DAP: variants seen among roughly 807,000 people sequenced by gnomAD.
DAP encodes death associated protein, also known as death-associated protein 1.
Under a neutral mutation model 13.8 loss-of-function variants are expected in DAP, and 8 were observed. The ratio of observed to expected loss-of-function variants is 0.58; its 90% CI spans 0.34 to 1.05. DAP has a LOEUF of 1.05. DAP is among the 50% of genes least tolerant of loss of function. The pLI, the probability that DAP is intolerant of heterozygous loss-of-function variation, is 0.03. For missense variants in DAP, 106 were observed against 133.2 expected (o/e 0.80, Z 1.01); for synonymous variants, 47 against 47.5 (o/e 0.99, Z 0.04).
chr5:10,683,584 A>G lies in DAP; in HGVS notation c.153-13T>C, dbSNP rs754324620. On this transcript the variant is annotated splice_polypyrimidine_tract_variant and intron_variant, in intron 2 of 3. Coordinates refer to ENST00000230895, the MANE Select transcript of DAP (RefSeq NM_004394.3). ...GGGTTTAGGTGGACTGGAAAAAAAG[A>G]AGGGAAAAGGCAGATTTAACAAAAC... The G allele has an allele frequency of 1.2e-6, 2 of 1,613,650 alleles. No individual in the cohort carries two copies. The highest frequency in any genetic ancestry group is 2.2e-5 in the East Asian group (1 of 44,878).
intron 1 of DAP, among the ~76,000 whole-genome samples, chr5:10,759,106 G>C (rs1190353742): frequency 6.6e-6 from 1 of 150,474 alleles, no homozygotes; most frequent in Non-Finnish European, 1.5e-5. Context: ...AGAATCTCTT[G>C]AACCTAGAAG....
chr5:10,717,326 C>A (rs1380609438), intron 2 of DAP, among the ~76,000 whole-genome samples: 2 of 152,152 alleles, frequency 1.3e-5, no homozygotes, highest in African/African-American at 2.4e-5. Flanking sequence ...AGTGGCTGAC[C>A]TGAAACAAAA....
At chr5:10,708,398 G>A (rs1263834890) in intron 2 of DAP, among the ~76,000 whole-genome samples, 1 of 150,632 alleles carries the variant, frequency 6.6e-6, no homozygotes, top group Non-Finnish European at 1.5e-5. Flanking sequence ...ACACACACAT[G>A]CAGACACATA....
intron 2 of DAP, among the ~76,000 whole-genome samples, chr5:10,714,610 C>G (rs1158354211): frequency 6.6e-6 from 1 of 152,062 alleles, no homozygotes; most frequent in African/African-American, 2.4e-5. Context: ...CATAGATATG[C>G]AGATACATGG....
At chr5:10,730,841 G>A (rs756369218) in intron 2 of DAP, among the ~76,000 whole-genome samples, 146 of 132,312 alleles carry the variant, frequency 1.1e-3, no homozygotes, top group Non-Finnish European at 2.1e-3. Flanking sequence ...GCCCTGGTGG[G>A]GGGGAAATCT....
intron 1 of DAP, among the ~76,000 whole-genome samples, chr5:10,749,435 T>C (rs1185894283): frequency 6.6e-6 from 1 of 152,172 alleles, no homozygotes; most frequent in Admixed American, 6.5e-5. Flanking sequence ...AGTGTGTGGG[T>C]TCCAATTCTC....
chr5:10,742,126 A>C (rs1257266045), intron 2 of DAP, among the ~76,000 whole-genome samples: 1 of 147,356 alleles, frequency 6.8e-6, no homozygotes, highest in African/African-American at 2.6e-5. Context: ...TTTCTTATAC[A>C]TTAAGTAACT....
chr5:10,702,196 C>T (rs1178736586), intron 2 of DAP, among the ~76,000 whole-genome samples: 3 of 152,240 alleles, frequency 2.0e-5, no homozygotes, highest in Non-Finnish European at 4.4e-5. Context: ...GGTGCGCACA[C>T]ATACTCAACA....
chr5:10,750,043 G>A (rs928138859), intron 1 of DAP, among the ~76,000 whole-genome samples: 2 of 152,148 alleles, frequency 1.3e-5, no homozygotes, highest in African/African-American at 4.8e-5. Flanking sequence ...CTAGAAAGCA[G>A]GGTCATTTTC....
At chr5:10,712,616 G>A (rs1463322981) in intron 2 of DAP, among the ~76,000 whole-genome samples, 1 of 152,144 alleles carries the variant, frequency 6.6e-6, no homozygotes, top group African/African-American at 2.4e-5. Context: ...GGCTGGATGG[G>A]GTGGGGGAGA....
At chr5:10,685,559 C>T (rs939954111) in intron 2 of DAP, among the ~76,000 whole-genome samples, 3 of 152,180 alleles carry the variant, frequency 2.0e-5, no homozygotes, top group African/African-American at 4.8e-5. Flanking sequence ...AGTTTCTTAA[C>T]GTCGTTTGGA....
At chr5:10,753,539 G>T (rs1561036578) in intron 1 of DAP, among the ~76,000 whole-genome samples, 1 of 152,244 alleles carries the variant, frequency 6.6e-6, no homozygotes, top group Non-Finnish European at 1.5e-5. Flanking sequence ...AAACACCAAG[G>T]AGGCAAATGA....
intron 2 of DAP, among the ~76,000 whole-genome samples, chr5:10,733,406 T>C (rs1739523211): frequency 6.6e-6 from 1 of 152,204 alleles, no homozygotes; most frequent in African/African-American, 2.4e-5. Context: ...TGTGGATTGC[T>C]ACCCAATATA....
At chr5:10,752,058 G>A (rs1311287651) in intron 1 of DAP, among the ~76,000 whole-genome samples, 1 of 152,202 alleles carries the variant, frequency 6.6e-6, no homozygotes, top group African/African-American at 2.4e-5. Flanking sequence ...AAAGAGCTGT[G>A]CAACTAACTA....
At chr5:10,715,449 A>G (rs1293665937) in intron 2 of DAP, among the ~76,000 whole-genome samples, 1 of 152,184 alleles carries the variant, frequency 6.6e-6, no homozygotes, top group African/African-American at 2.4e-5. Context: ...CCTTGGGGAC[A>G]TGGAGTAGAA....
intron 2 of DAP, among the ~76,000 whole-genome samples, chr5:10,738,581 C>A (rs1182296450): frequency 6.6e-6 from 1 of 152,164 alleles, no homozygotes. Context: ...AAATAAATGA[C>A]CTATACTCTT....
At chr5:10,752,798 C>G (rs539081730) in intron 1 of DAP, among the ~76,000 whole-genome samples, 2 of 152,216 alleles carry the variant, frequency 1.3e-5, no homozygotes, top group African/African-American at 4.8e-5. Context: ...TCCCCTCTCC[C>G]AGGGCCAGCT....
intron 1 of DAP, among the ~76,000 whole-genome samples, chr5:10,754,129 C>T (rs1263045393): frequency 1.3e-5 from 2 of 152,152 alleles, no homozygotes; most frequent in Non-Finnish European, 2.9e-5. Flanking sequence ...AGTGGAGACT[C>T]ACATCTATGG....
chr5:10,742,305 C>T (rs997420613), intron 2 of DAP, among the ~76,000 whole-genome samples: 1 of 152,098 alleles, frequency 6.6e-6, no homozygotes, highest in African/African-American at 2.4e-5. Context: ...CAGGCTAAGA[C>T]GGGCCAATCA....
Sources: gnomAD v4.1 joint callset for allele counts (sites outside exome capture counted in the v4.1 genomes callset) on GRCh38, gnomAD v4.1.1 for gene constraint, MANE v1.5 for transcripts, NCBI Gene and HGNC (gene_info 2026-07-23, HGNC 2026-07-21) for gene names.